The following AFAP1 variants were observed in gnomAD, a reference collection of about 807,000 sequenced individuals.
AFAP1 encodes actin filament associated protein 1.
AFAP1 carries 75 observed loss-of-function variants against 93.9 expected under a neutral mutation model. That is an observed-to-expected ratio of 0.80 (90% confidence interval 0.66 to 0.97). The LOEUF is 0.97. Among genes scored for constraint, AFAP1 ranks in the 50% least tolerant of loss-of-function variants. The probability of loss-of-function intolerance (pLI) is 0.00; values close to 1 mark genes in which losing one functional copy is unlikely to be tolerated. For missense variants in AFAP1, 1,201 were observed against 1,050.8 expected, an observed-to-expected ratio of 1.14 and a Z score of -1.98; for synonymous variants, 517 against 430.7, an observed-to-expected ratio of 1.20 and a Z score of -2.48.
chr4:7,833,884 G>A (rs1020952898), intron 6 of AFAP1, among the ~76,000 whole-genome samples: 3 of 151,980 alleles, frequency 2.0e-5, no homozygotes, highest in South Asian at 2.1e-4. Context: ...CACTGCGCCC[G>A]ACCTGGAGGT....
intron 1 of AFAP1, among the ~76,000 whole-genome samples, chr4:7,895,486 C>T (rs577766040): frequency 1.3e-5 from 2 of 152,220 alleles, no homozygotes; most frequent in African/African-American, 2.4e-5. Context: ...TTGTCTACTC[C>T]CCAGCATAAC....
In AFAP1 at chr4:7,838,685, C is replaced by G. The variant is rs752538789; in HGVS notation, c.565G>C (p.Asp189His). 25 of 1,614,004 alleles carry G rather than the reference C, an allele frequency of 1.5e-5. No homozygotes were observed. The highest frequency in any genetic ancestry group is 2.1e-5 in the Non-Finnish European group (25 of 1,179,990). ...TKLLCYKSSK[D>H]QQPQMELPLQ... ...GGCAGTTCCATCTGAGGCTGCTGGTCCTTGGAACTTTTATAGCACTGCATT... is the reference window on the plus strand; with the variant it reads ...GGCAGTTCCATCTGAGGCTGCTGGTGCTTGGAACTTTTATAGCACTGCATT... Residue 189 changes from aspartate (D) to histidine (H), a missense_variant, in exon 6 of 18, where the codon GAC (aspartate) becomes CAC (histidine). Transcript: ENST00000420658.
chr4:7,818,385 T>C (rs4443285), intron 7 of AFAP1, among the ~76,000 whole-genome samples: 128,109 of 152,188 alleles, frequency 0.84, 54,235 homozygotes, highest in African/African-American at 0.92. Context: ...AATCCTGACT[T>C]ATATGAGGAC....
intron 5 of AFAP1, 62 bp from the exon 6 acceptor site, chr4:7,838,765 A>C: frequency 6.3e-7 from 1 of 1,575,084 alleles, no homozygotes; most frequent in Non-Finnish European, 8.6e-7. Flanking sequence ...ACACTGAGGA[A>C]GCTCTAGCAT....
rs796972402 is a variant in AFAP1 at position 7,863,432 on chromosome 4, C to CGAAAGAAA, written c.225+5182_225+5189dup. ...AGACTGCCAAGAAAGAACGAAAGAA[C>CGAAAGAAA]GAAAGAAAGAAAGAAGGAAAGAAAA... On this transcript the variant is annotated intron_variant, in intron 3 of 17. Transcript: ENST00000420658. Among the ~76,000 whole-genome samples the CGAAAGAAA allele has an allele frequency of 4.7e-4, 72 of 151,900 alleles. 1 individual carries two copies. The highest frequency in any genetic ancestry group is 1.7e-3 in the African/African-American group (70 of 41,428).
intron 4 of AFAP1, among the ~76,000 whole-genome samples, chr4:7,848,099 A>AAGGAAGGAAGGAAG (rs1713955569): frequency 3.4e-5 from 4 of 116,020 alleles, no homozygotes; most frequent in South Asian, 6.6e-4. Context: ...AGGGAAGGAA[A>AAGGAAGGAAGGAAG]GAAGGAAGGA....
chr4:7,824,642 C>T (rs1363001304), intron 6 of AFAP1, among the ~76,000 whole-genome samples: 1 of 152,118 alleles, frequency 6.6e-6, no homozygotes, highest in Non-Finnish European at 1.5e-5. Context: ...ATTAAAATTA[C>T]GTTTCACAGA....
intron 3 of AFAP1, among the ~76,000 whole-genome samples, chr4:7,865,548 G>A (rs185754202): frequency 6.6e-6 from 1 of 152,254 alleles, no homozygotes; most frequent in East Asian, 1.9e-4. Context: ...CCTACCAAAG[G>A]CAGGAGCAGA....
At chr4:7,823,759 A>C (rs984673570) in intron 6 of AFAP1, among the ~76,000 whole-genome samples, 12 of 152,186 alleles carry the variant, frequency 7.9e-5, no homozygotes, top group Non-Finnish European at 1.6e-4. Context: ...CTTCTCTCCC[A>C]GCTAGAACTC....
intron 1 of AFAP1, among the ~76,000 whole-genome samples, chr4:7,909,549 C>T (rs1439830154): frequency 6.6e-6 from 1 of 152,066 alleles, no homozygotes; most frequent in African/African-American, 2.4e-5. Flanking sequence ...GAGTGAATAA[C>T]CGGCAAATAT....
intron 3 of AFAP1, among the ~76,000 whole-genome samples, chr4:7,864,164 C>CACCTTCCCAACTTCCCATCACACCTT (rs1314891559): frequency 1.3e-5 from 2 of 152,030 alleles, no homozygotes; most frequent in African/African-American, 4.8e-5. Context: ...CTCATCACAA[C>CACCTTCCCAACTTCCCATCACACCTT]CCACAGGTCC....
At chr4:7,918,833 G>A (rs1339647506) in intron 1 of AFAP1, among the ~76,000 whole-genome samples, 3 of 129,720 alleles carry the variant, frequency 2.3e-5, no homozygotes, top group African/African-American at 3.2e-5. Context: ...CAGGTCACCC[G>A]CAAACAGGGC....
At chr4:7,827,814 G>T (rs1039737008) in intron 6 of AFAP1, among the ~76,000 whole-genome samples, 1 of 152,030 alleles carries the variant, frequency 6.6e-6, no homozygotes, top group Non-Finnish European at 1.5e-5. Context: ...ACACCCGGAG[G>T]ACCAATGGGC....
intron 9 of AFAP1, among the ~76,000 whole-genome samples, chr4:7,803,511 C>T (rs576501981): frequency 1.3e-4 from 20 of 152,138 alleles, no homozygotes; most frequent in Non-Finnish European, 1.3e-4. Context: ...GGGGGACCGG[C>T]CCTGATCCCC....
chr4:7,803,303 C>A (rs1478206105), intron 9 of AFAP1, among the ~76,000 whole-genome samples: 3 of 152,236 alleles, frequency 2.0e-5, no homozygotes, highest in Admixed American at 1.3e-4. Context: ...AGCCCGTGCT[C>A]TGGAGTGGTC....
At chr4:7,856,433 G>A (rs1408726628) in intron 3 of AFAP1, among the ~76,000 whole-genome samples, 1 of 152,106 alleles carries the variant, frequency 6.6e-6, no homozygotes, top group Non-Finnish European at 1.5e-5. Flanking sequence ...AGTAGAGACA[G>A]GGTTTCACCG....
intron 16 of AFAP1, among the ~76,000 whole-genome samples, chr4:7,771,895 G>C (rs1715491361): frequency 1.3e-5 from 2 of 152,112 alleles, no homozygotes; most frequent in Admixed American, 6.5e-5. Flanking sequence ...AGGAGAAGGG[G>C]AGAGTAAGGA....
At chr4:7,766,406 G>A (rs1044307923) in intron 17 of AFAP1, among the ~76,000 whole-genome samples, 2 of 152,170 alleles carry the variant, frequency 1.3e-5, no homozygotes, top group Admixed American at 1.3e-4. Context: ...TTACCTCCGC[G>A]TGGTGCCACA....
At chr4:7,879,954 G>A (rs887602241) in intron 1 of AFAP1, among the ~76,000 whole-genome samples, 7 of 151,670 alleles carry the variant, frequency 4.6e-5, no homozygotes, top group African/African-American at 9.7e-5. Context: ...CATGCGCCCC[G>A]CCGCCCAGCC....
Sources: gnomAD v4.1 joint callset for allele counts (sites outside exome capture counted in the v4.1 genomes callset) on GRCh38, gnomAD v4.1.1 for gene constraint, MANE v1.5 for transcripts, NCBI Gene and HGNC (gene_info 2026-07-23, HGNC 2026-07-21) for gene names.